FAM13A: variants seen among roughly 807,000 people sequenced by gnomAD.
FAM13A encodes the protein protein FAM13A.
In FAM13A, 76 loss-of-function variants were observed where a neutral mutation model predicts 129.6. The observed-to-expected ratio is 0.59, with a 90% CI of 0.49 to 0.71. FAM13A has a LOEUF of 0.71. Ranked by LOEUF, FAM13A falls within the 30% of genes least tolerant of loss-of-function variation. The pLI is 0.00. For synonymous variants in FAM13A, 443 were observed against 449.9 expected (o/e 0.98, Z 0.20); for missense variants, 1,108 against 1,249.3 (o/e 0.89, Z 1.70).
At chr4:88,950,020 C>T (rs1756674043) in intron 4 of FAM13A, among the ~76,000 whole-genome samples, 1 of 152,048 alleles carries the variant, frequency 6.6e-6, no homozygotes, top group African/African-American at 2.4e-5. Context: ...TTTTCAAATA[C>T]CCTTAGGTTT....
chr4:88,849,384 C>A (rs1411366843), intron 7 of FAM13A, among the ~76,000 whole-genome samples: 1 of 152,174 alleles, frequency 6.6e-6, no homozygotes, highest in Non-Finnish European at 1.5e-5. Flanking sequence ...CCTCCCCTAC[C>A]CAGCTCAAAC....
Position 89,019,184 on chromosome 4 carries a change from G to A in FAM13A, c.427+1276C>T, listed in dbSNP as rs1766912831. 2.6e-5 allele frequency among the ~76,000 whole-genome samples: 4 copies of A among 152,122 alleles called. No individual in the cohort carries two copies. The South Asian group carries it at 8.3e-4, about 31-fold the overall frequency. On this transcript the variant is annotated intron_variant, in intron 3 of 23. Transcript: ENST00000264344. ...ATATTTCAAAATGGTCTTTCATGGG[G>A]TAAAATATTTCTGGTACTTTCTTAC...
chr4:88,845,531 A>G (rs1181445401), intron 7 of FAM13A, among the ~76,000 whole-genome samples: 4 of 152,174 alleles, frequency 2.6e-5, no homozygotes, highest in African/African-American at 9.7e-5. Context: ...AGCAGGAGGA[A>G]GCAATACAGG....
chr4:88,890,576 T>C (rs1745153031), intron 6 of FAM13A, among the ~76,000 whole-genome samples: 1 of 152,182 alleles, frequency 6.6e-6, no homozygotes, highest in Admixed American at 6.5e-5. Flanking sequence ...ATTTAAAATA[T>C]ATGTCTATGG....
At chr4:88,746,302 T>C (rs1012323928) in intron 19 of FAM13A, among the ~76,000 whole-genome samples, 4 of 152,192 alleles carry the variant, frequency 2.6e-5, no homozygotes, top group African/African-American at 7.2e-5. Flanking sequence ...AGCAGAAGCC[T>C]ATCATGCTAC....
intron 4 of FAM13A, among the ~76,000 whole-genome samples, chr4:88,966,771 A>T (rs1372553132): frequency 6.6e-6 from 1 of 152,166 alleles, no homozygotes; most frequent in East Asian, 1.9e-4. Flanking sequence ...TTAAATCAGA[A>T]ATGTTATATT....
chr4:89,048,719 GT>G (rs1218649297), intron 1 of FAM13A, among the ~76,000 whole-genome samples: 20 of 152,152 alleles, frequency 1.3e-4, no homozygotes, highest in African/African-American at 3.4e-4. Flanking sequence ...ATATTCCTCA[GT>G]CTAATAACAT....
chr4:88,880,671 G>A (rs910094606), intron 6 of FAM13A, among the ~76,000 whole-genome samples: 3 of 151,896 alleles, frequency 2.0e-5, no homozygotes, highest in Non-Finnish European at 4.4e-5. Flanking sequence ...AACCATGAAA[G>A]CCCTGCTTGC....
intron 7 of FAM13A, among the ~76,000 whole-genome samples, chr4:88,808,320 T>C (rs1728988150): frequency 6.6e-6 from 1 of 152,058 alleles, no homozygotes; most frequent in Admixed American, 6.6e-5. Flanking sequence ...ATCAACAAAA[T>C]AAACTTTTCC....
At chr4:88,988,075 C>T (rs576266980) in intron 4 of FAM13A, among the ~76,000 whole-genome samples, 107 of 152,152 alleles carry the variant, frequency 7.0e-4, no homozygotes, top group African/African-American at 2.5e-3. Flanking sequence ...AGCAAACCAC[C>T]ATGGCACATG....
intron 3 of FAM13A, among the ~76,000 whole-genome samples, chr4:88,999,447 A>G (rs1763966739): frequency 6.6e-6 from 1 of 152,222 alleles, no homozygotes; most frequent in Non-Finnish European, 1.5e-5. Context: ...AGAGAGCCTC[A>G]CACAATGTAA....
At chr4:88,859,115 GTATAAT>G (rs1167964663) in intron 6 of FAM13A, among the ~76,000 whole-genome samples, 1 of 152,190 alleles carries the variant, frequency 6.6e-6, no homozygotes, top group Non-Finnish European at 1.5e-5. Context: ...AGGAGAGCTT[GTATAAT>G]TCTTTCAAGC....
At chr4:88,845,302 G>A (rs562081660) in intron 7 of FAM13A, among the ~76,000 whole-genome samples, 1 of 152,162 alleles carries the variant, frequency 6.6e-6, no homozygotes, top group East Asian at 1.9e-4. Flanking sequence ...GTTCTGTTTG[G>A]GCATAGTGAG....
At chr4:89,032,999 T>G (rs1768904724) in intron 1 of FAM13A, among the ~76,000 whole-genome samples, 1 of 152,198 alleles carries the variant, frequency 6.6e-6, no homozygotes, top group South Asian at 2.1e-4. Context: ...TGGTCCTTGA[T>G]CTACTCTTTC....
intron 1 of FAM13A, among the ~76,000 whole-genome samples, chr4:89,031,361 C>T (rs1397010033): frequency 6.6e-6 from 1 of 152,090 alleles, no homozygotes; most frequent in Non-Finnish European, 1.5e-5. Context: ...ACAGAGAATA[C>T]AGCATAGTGG....
chr4:88,957,598 G>A lies in FAM13A; in HGVS notation c.606-19357C>T, dbSNP rs191950237. Among the ~76,000 whole-genome samples, 8 of 152,312 alleles carry A rather than the reference G, an allele frequency of 5.3e-5. No homozygotes were observed. The East Asian group carries it at 1.3e-3, about 26-fold the overall frequency. On this transcript the variant is annotated intron_variant, in intron 4 of 23. Coordinates refer to ENST00000264344, the MANE Select transcript of FAM13A (RefSeq NM_014883.4). ...TTGCTCTAAAGACACCTGAAAATGT[G>A]GAAGTGACTTTGGAACTGGGTAACA...
intron 1 of FAM13A, among the ~76,000 whole-genome samples, chr4:89,035,367 T>C (rs1046318679): frequency 1.3e-5 from 2 of 151,886 alleles, no homozygotes; most frequent in African/African-American, 4.8e-5. Context: ...AATTAATGTG[T>C]CTAAGTCTCA....
At chr4:88,865,195 C>G (rs950273910) in intron 6 of FAM13A, among the ~76,000 whole-genome samples, 1 of 151,972 alleles carries the variant, frequency 6.6e-6, no homozygotes, top group Non-Finnish European at 1.5e-5. Flanking sequence ...TTTGCCTTAG[C>G]CTATATCTCA....
At chr4:88,938,620 C>G (rs1754211876) in intron 4 of FAM13A, among the ~76,000 whole-genome samples, 1 of 152,102 alleles carries the variant, frequency 6.6e-6, no homozygotes, top group South Asian at 2.1e-4. Flanking sequence ...TTATTTAAGG[C>G]TTTCTTAGAT....
Sources: allele counts gnomAD v4.1 joint callset (sites outside exome capture counted in the v4.1 genomes callset), GRCh38; gene constraint gnomAD v4.1.1; transcripts MANE v1.5; gene names NCBI Gene and HGNC (gene_info 2026-07-23, HGNC 2026-07-21).